The following TECRL variants were observed in gnomAD, a reference collection of about 807,000 sequenced individuals.
TECRL encodes trans-2,3-enoyl-CoA reductase like.
Under a neutral mutation model 52.8 loss-of-function variants are expected in TECRL, and 63 were observed. The observed-to-expected ratio is 1.19, with a 90% CI of 0.97 to 1.47. The LOEUF is 1.47. Among genes scored for constraint, TECRL ranks in the 40% most tolerant of loss-of-function variants. The pLI, the probability that TECRL is intolerant of heterozygous loss-of-function variation, is 0.00. For missense variants in TECRL, 482 were observed against 429.6 expected (o/e 1.12, Z -1.08); for synonymous variants, 164 against 141.9 (o/e 1.16, Z -1.10).
At chr4:64,399,188 G>A (rs527432221) in intron 1 of TECRL, among the ~76,000 whole-genome samples, 1 of 152,224 alleles carries the variant, frequency 6.6e-6, no homozygotes, top group South Asian at 2.1e-4. Flanking sequence ...GAACCCACGA[G>A]TGTATTCTCT....
chr4:64,328,857 T>G (rs1045754740), intron 2 of TECRL, among the ~76,000 whole-genome samples: 1 of 151,968 alleles, frequency 6.6e-6, no homozygotes, highest in Non-Finnish European at 1.5e-5. Flanking sequence ...CTATGACTTG[T>G]GCACTTCAGT....
chr4:64,381,989 G>A (rs1722826164), intron 1 of TECRL, among the ~76,000 whole-genome samples: 1 of 151,432 alleles, frequency 6.6e-6, no homozygotes, highest in Non-Finnish European at 1.5e-5. Context: ...TAGAATTTTT[G>A]GAATAGTATG....
At chr4:64,284,831 G>A (rs141461676) in intron 9 of TECRL, among the ~76,000 whole-genome samples, 1 of 152,230 alleles carries the variant, frequency 6.6e-6, no homozygotes, top group East Asian at 1.9e-4. Context: ...CTGGTGCAAT[G>A]TCAGATCTAC....
At chr4:64,356,024 CA>C (rs1720746403) in intron 2 of TECRL, among the ~76,000 whole-genome samples, 1 of 151,960 alleles carries the variant, frequency 6.6e-6, no homozygotes, top group Admixed American at 6.6e-5. Context: ...CTTGAGCTCA[CA>C]AAAACATGTG....
At chr4:64,347,248 A>G (rs781084969) in intron 2 of TECRL, among the ~76,000 whole-genome samples, 6 of 152,192 alleles carry the variant, frequency 3.9e-5, no homozygotes, top group Non-Finnish European at 8.8e-5. Context: ...GTCACATAAA[A>G]GAACACTGAC....
At position 64,409,370 on chromosome 4, in the gene TECRL, G is replaced by T. The variant is rs1437043635; in HGVS notation, c.-19C>A. The stretch of plus-strand genomic sequence containing the variant: ...TGAACATTGTGTGAACTAAGAGGAG[G>T]GTCTGTCATGTCAAAAGTAGAAAAT... On this transcript the variant is annotated 5_prime_UTR_variant, in exon 1 of 12. Coordinates refer to ENST00000381210, the MANE Select transcript of TECRL (RefSeq NM_001010874.5). 2 of 1,605,310 alleles carry T rather than the reference G, an allele frequency of 1.2e-6. No individual in the cohort carries two copies. The highest frequency in any genetic ancestry group is 2.2e-5 in the South Asian group (2 of 90,276).
intron 8 of TECRL, among the ~76,000 whole-genome samples, chr4:64,292,322 G>C (rs1472349614): frequency 6.6e-6 from 1 of 151,948 alleles, no homozygotes; most frequent in Non-Finnish European, 1.5e-5. Context: ...ATGCTATGAA[G>C]AAGTTTGATT....
intron 2 of TECRL, among the ~76,000 whole-genome samples, chr4:64,345,078 G>T (rs932192804): frequency 6.6e-6 from 1 of 152,188 alleles, no homozygotes; most frequent in African/African-American, 2.4e-5. Flanking sequence ...AGAGGATGTG[G>T]AGAAATAGGA....
chr4:64,319,324 AG>A (rs1389433672), intron 4 of TECRL, among the ~76,000 whole-genome samples: 6 of 140,492 alleles, frequency 4.3e-5, no homozygotes, highest in African/African-American at 1.7e-4. Flanking sequence ...GTATCATTAC[AG>A]TGTAAAACAT....
At chr4:64,375,325 A>G in intron 1 of TECRL, 102 bp from the exon 2 acceptor site, 1 of 563,504 alleles carries the variant, frequency 1.8e-6, no homozygotes, top group South Asian at 2.9e-5. Flanking sequence ...TTCTTACACA[A>G]TAAGAATTTT....
At chr4:64,317,242 G>T (rs1418755615) in intron 4 of TECRL, among the ~76,000 whole-genome samples, 2 of 151,934 alleles carry the variant, frequency 1.3e-5, no homozygotes, top group Non-Finnish European at 2.9e-5. Flanking sequence ...CATGGCCACT[G>T]CACTCCAGCC....
At chr4:64,329,089 T>C (rs974256432) in intron 2 of TECRL, among the ~76,000 whole-genome samples, 2 of 152,052 alleles carry the variant, frequency 1.3e-5, no homozygotes, top group African/African-American at 2.4e-5. Flanking sequence ...TTTCTTTTTG[T>C]ACTACCGTTA....
intron 8 of TECRL, among the ~76,000 whole-genome samples, chr4:64,291,267 T>C (rs1723371853): frequency 6.6e-6 from 1 of 152,080 alleles, no homozygotes; most frequent in Non-Finnish European, 1.5e-5. Flanking sequence ...TAGTTATCAA[T>C]TTAATCAATA....
chr4:64,391,804 T>C (rs1723565834), intron 1 of TECRL, among the ~76,000 whole-genome samples: 1 of 151,882 alleles, frequency 6.6e-6, no homozygotes. Flanking sequence ...CTATATGACA[T>C]TGATATACAA....
intron 2 of TECRL, among the ~76,000 whole-genome samples, chr4:64,344,794 A>G (rs1719835039): frequency 6.6e-6 from 1 of 152,222 alleles, no homozygotes; most frequent in Admixed American, 6.5e-5. Flanking sequence ...TTTATTCTCC[A>G]TCTTGTTTTT....
intron 2 of TECRL, among the ~76,000 whole-genome samples, chr4:64,362,798 CAT>C (rs1195788993): frequency 6.6e-6 from 1 of 151,926 alleles, no homozygotes; most frequent in Non-Finnish European, 1.5e-5. Flanking sequence ...ATCAAGTGTA[CAT>C]AACAACCAGT....
intron 2 of TECRL, among the ~76,000 whole-genome samples, chr4:64,361,490 C>A (rs1236804329): frequency 3.3e-5 from 5 of 152,146 alleles, no homozygotes; most frequent in Non-Finnish European, 7.3e-5. Context: ...AGATTGGGAA[C>A]ATCTTGGACC....
chr4:64,323,334 C>CTACA (rs1718035556), intron 3 of TECRL, among the ~76,000 whole-genome samples: 1 of 151,842 alleles, frequency 6.6e-6, no homozygotes, highest in South Asian at 2.1e-4. Context: ...GAGGTCAAGG[C>CTACA]TACAGTGAAC....
intron 2 of TECRL, among the ~76,000 whole-genome samples, chr4:64,337,502 T>C (rs1300060661): frequency 1.3e-5 from 2 of 152,192 alleles, no homozygotes; most frequent in Non-Finnish European, 2.9e-5. Context: ...TGTTTGCAGA[T>C]GACATGATTG....
Sources: allele counts gnomAD v4.1 joint callset (sites outside exome capture counted in the v4.1 genomes callset), GRCh38; gene constraint gnomAD v4.1.1; transcripts MANE v1.5; gene names NCBI Gene and HGNC (gene_info 2026-07-23, HGNC 2026-07-21).